RIT2: variants seen among roughly 807,000 people sequenced by gnomAD.
The protein encoded by RIT2 is Ras like without CAAX 2, also known as GTP-binding protein Rit2.
In RIT2, 24 loss-of-function variants were observed where a neutral mutation model predicts 23.7. The observed-to-expected ratio is 1.01, with a 90% CI of 0.73 to 1.43. RIT2 has a LOEUF of 1.43. Ranked by LOEUF, RIT2 falls within the 40% of genes most tolerant of loss-of-function variation. The pLI, the probability that RIT2 is intolerant of heterozygous loss-of-function variation, is 0.00. For missense variants in RIT2, 236 were observed against 266.9 expected (o/e 0.88, Z 0.81); for synonymous variants, 107 against 91.1 (o/e 1.17, Z -0.99).
At chr18:42,860,858 G>A (rs1907307464) in intron 4 of RIT2, among the ~76,000 whole-genome samples, 1 of 152,078 alleles carries the variant, frequency 6.6e-6, no homozygotes, top group Non-Finnish European at 1.5e-5. Context: ...GCAAGCACCT[G>A]CGCAGGTTAC....
intron 1 of RIT2, among the ~76,000 whole-genome samples, chr18:43,057,491 T>A (rs1186107847): frequency 1.3e-5 from 2 of 152,158 alleles, no homozygotes; most frequent in South Asian, 4.1e-4. Context: ...AAGTTAGACA[T>A]CTATGAATCT....
At chr18:43,061,021 C>T (rs945292521) in intron 1 of RIT2, among the ~76,000 whole-genome samples, 2 of 152,030 alleles carry the variant, frequency 1.3e-5, no homozygotes, top group Non-Finnish European at 2.9e-5. Flanking sequence ...TTATAACAAT[C>T]CCTGTGACCA....
chr18:43,043,183 A>T (rs1022048585), intron 1 of RIT2, among the ~76,000 whole-genome samples: 4 of 152,130 alleles, frequency 2.6e-5, no homozygotes, highest in African/African-American at 9.7e-5. Flanking sequence ...AGTTTGATTT[A>T]TAACCTTACA....
intron 1 of RIT2, among the ~76,000 whole-genome samples, chr18:43,090,630 C>T (rs368609386): frequency 3.2e-4 from 48 of 152,036 alleles, no homozygotes; most frequent in African/African-American, 9.9e-4. Flanking sequence ...TGTCCAATAA[C>T]GGTAGACTGG....
At chr18:42,888,634 C>A (rs1019082104) in intron 4 of RIT2, among the ~76,000 whole-genome samples, 1 of 151,710 alleles carries the variant, frequency 6.6e-6, no homozygotes, top group Non-Finnish European at 1.5e-5. Flanking sequence ...GCAGTATTCA[C>A]AATAGCAAAG....
At chr18:42,900,103 C>T (rs944160161) in intron 4 of RIT2, among the ~76,000 whole-genome samples, 10 of 151,736 alleles carry the variant, frequency 6.6e-5, no homozygotes, top group East Asian at 3.9e-4. Context: ...ACTTAGAGTA[C>T]GCATTATATG....
intron 4 of RIT2, among the ~76,000 whole-genome samples, chr18:42,751,234 G>T (rs1308940523): frequency 6.6e-6 from 1 of 151,710 alleles, no homozygotes; most frequent in African/African-American, 2.4e-5. Context: ...AACATAGAAA[G>T]GTAATTTTTC....
At chr18:43,104,437 G>A (rs1335188019) in intron 1 of RIT2, among the ~76,000 whole-genome samples, 4 of 152,098 alleles carry the variant, frequency 2.6e-5, no homozygotes, top group Non-Finnish European at 4.4e-5. Context: ...AATGTTCACA[G>A]CACAAAGAAG....
At chr18:42,997,248 G>T (rs1222324132) in intron 2 of RIT2, among the ~76,000 whole-genome samples, 2 of 152,070 alleles carry the variant, frequency 1.3e-5, no homozygotes, top group Non-Finnish European at 2.9e-5. Context: ...TGTGGTTAGG[G>T]GCTATCAGCA....
intron 4 of RIT2, among the ~76,000 whole-genome samples, chr18:42,852,813 C>CAAAGTCGACCTCCCAAAGTCCTGGGA (rs1907090417): frequency 7.2e-6 from 1 of 138,330 alleles, no homozygotes; most frequent in Non-Finnish European, 1.5e-5. Context: ...CCCTCCCTCC[C>CAAAGTCGACCTCCCAAAGTCCTGGGA]TTCCTTCCTT....
intron 1 of RIT2, among the ~76,000 whole-genome samples, chr18:43,082,534 T>A (rs536514527): frequency 1.3e-5 from 2 of 152,194 alleles, no homozygotes; most frequent in Non-Finnish European, 2.9e-5. Context: ...TCTGCCACGT[T>A]CAAGTCAACG....
intron 3 of RIT2, among the ~76,000 whole-genome samples, chr18:42,973,818 TA>T (rs1415528839): frequency 6.6e-6 from 1 of 151,548 alleles, no homozygotes; most frequent in Non-Finnish European, 1.5e-5. Context: ...GGAAAAAAAA[TA>T]AAGTATTTTT....
chr18:42,989,249 T>C (rs1223877454), intron 2 of RIT2, among the ~76,000 whole-genome samples: 1 of 152,170 alleles, frequency 6.6e-6, no homozygotes, highest in Non-Finnish European at 1.5e-5. Flanking sequence ...AGAACTTTTC[T>C]GTACATACAA....
At chr18:42,880,555 T>G (rs1239657472) in intron 4 of RIT2, among the ~76,000 whole-genome samples, 1 of 152,132 alleles carries the variant, frequency 6.6e-6, no homozygotes, top group African/African-American at 2.4e-5. Context: ...CTTTTACGTA[T>G]GTAATTTTTC....
chr18:42,909,544 A>T (rs1908713327), intron 4 of RIT2, among the ~76,000 whole-genome samples: 1 of 152,120 alleles, frequency 6.6e-6, no homozygotes, highest in Admixed American at 6.6e-5. Context: ...ACAATAAAAC[A>T]ATTTATTTTC....
intron 4 of RIT2, among the ~76,000 whole-genome samples, chr18:42,778,651 T>C (rs1161190482): frequency 6.6e-6 from 1 of 151,496 alleles, no homozygotes. Flanking sequence ...GCAGTCACCA[T>C]TACCAGCTCT....
rs142420096 is a variant in RIT2 at position 42,748,255 on chromosome 18, A to G, written c.427-4535T>C. ...GAAATCCGCAAGAAAAAAACAAACA[A>G]TCCCATCAAAAAGTGGGCTAAGGAC... is the stretch of plus-strand genomic sequence containing the variant. On this transcript the variant is annotated intron_variant, in intron 4 of 4. Coordinates refer to ENST00000326695, the MANE Select transcript of RIT2 (RefSeq NM_002930.4). 9.9e-5 allele frequency among the ~76,000 whole-genome samples: 15 copies of G among 152,160 alleles called. No homozygotes were observed. The East Asian group carries it at 2.3e-3, about 24-fold the overall frequency.
chr18:43,018,790 G>A (rs1048763149), intron 2 of RIT2, among the ~76,000 whole-genome samples: 5 of 151,836 alleles, frequency 3.3e-5, no homozygotes, highest in Non-Finnish European at 4.4e-5. Flanking sequence ...GACTAGCCCC[G>A]CAAGAAATGC....
At chr18:42,789,822 T>G (rs1404372793) in intron 4 of RIT2, among the ~76,000 whole-genome samples, 2 of 152,208 alleles carry the variant, frequency 1.3e-5, no homozygotes, top group Non-Finnish European at 2.9e-5. Flanking sequence ...TTTAATTATC[T>G]TGCCCGATTG....
Sources: allele counts gnomAD v4.1 joint callset (sites outside exome capture counted in the v4.1 genomes callset), GRCh38; gene constraint gnomAD v4.1.1; transcripts MANE v1.5; gene names NCBI Gene and HGNC (gene_info 2026-07-23, HGNC 2026-07-21).